GUCY1A2: variants seen among roughly 807,000 people sequenced by gnomAD.
GUCY1A2 encodes the protein guanylate cyclase 1 soluble subunit alpha 2.
Under a neutral mutation model 63.5 loss-of-function variants are expected in GUCY1A2, and 27 were observed. That is an observed-to-expected ratio of 0.43 (90% confidence interval 0.31 to 0.59). The LOEUF is 0.59. Among genes scored for constraint, GUCY1A2 ranks in the 20% least tolerant of loss-of-function variants. The pLI is 0.11. For synonymous variants in GUCY1A2, 364 were observed against 343.5 expected (o/e 1.06, Z -0.66); for missense variants, 768 against 913.3 (o/e 0.84, Z 2.05).
At chr11:106,726,153 G>T (rs144458884) in intron 6 of GUCY1A2, among the ~76,000 whole-genome samples, 2 of 152,134 alleles carry the variant, frequency 1.3e-5, no homozygotes, top group Non-Finnish European at 2.9e-5. Flanking sequence ...GGTGGTTCAC[G>T]CCTGTAATCC....
chr11:106,689,016 A>C (rs935516538), intron 7 of GUCY1A2, among the ~76,000 whole-genome samples: 30 of 149,376 alleles, frequency 2.0e-4, no homozygotes, highest in African/African-American at 7.3e-4. Flanking sequence ...TCTTTTTCTT[A>C]AAAACAATCC....
chr11:106,864,375 T>G (rs930492943), intron 4 of GUCY1A2, among the ~76,000 whole-genome samples: 3 of 152,090 alleles, frequency 2.0e-5, no homozygotes, highest in African/African-American at 7.2e-5. Context: ...CAGAGACAAT[T>G]TGACTTCCTC....
chr11:106,746,995 T>A (rs1270799295), intron 6 of GUCY1A2, among the ~76,000 whole-genome samples: 1 of 152,116 alleles, frequency 6.6e-6, no homozygotes, highest in Non-Finnish European at 1.5e-5. Flanking sequence ...TTTTTTTTGT[T>A]TGTTTGTTTT....
intron 3 of GUCY1A2, among the ~76,000 whole-genome samples, chr11:106,948,561 T>C (rs932173623): frequency 1.3e-5 from 2 of 152,154 alleles, no homozygotes; most frequent in African/African-American, 4.8e-5. Flanking sequence ...AAGCAGCTTA[T>C]TCTAAATAGC....
At chr11:106,770,241 C>T (rs1254677860) in intron 6 of GUCY1A2, among the ~76,000 whole-genome samples, 1 of 151,900 alleles carries the variant, frequency 6.6e-6, no homozygotes, top group Non-Finnish European at 1.5e-5. Context: ...CTTTAAATCC[C>T]CTGTAGATTA....
At chr11:106,892,038 A>C (rs1417250452) in intron 4 of GUCY1A2, among the ~76,000 whole-genome samples, 1 of 152,098 alleles carries the variant, frequency 6.6e-6, no homozygotes, top group Non-Finnish European at 1.5e-5. Flanking sequence ...ATTTCAATAT[A>C]TACTTAAGTC....
chr11:106,836,393 A>G (rs1414716403), intron 4 of GUCY1A2, among the ~76,000 whole-genome samples: 1 of 152,052 alleles, frequency 6.6e-6, no homozygotes, highest in Non-Finnish European at 1.5e-5. Context: ...GTACTGTACC[A>G]TATTTATCAA....
chr11:106,801,376 T>G (rs749556982), intron 5 of GUCY1A2, among the ~76,000 whole-genome samples: 7 of 152,160 alleles, frequency 4.6e-5, no homozygotes, highest in Admixed American at 1.3e-4. Context: ...TTGTCAAAGT[T>G]GTTGGAGAGA....
intron 6 of GUCY1A2, among the ~76,000 whole-genome samples, chr11:106,709,542 T>C (rs1468372887): frequency 3.6e-5 from 2 of 56,000 alleles, no homozygotes; most frequent in East Asian, 3.0e-4. Context: ...TATAATATAT[T>C]ATATTATTAT....
chr11:107,000,533 A>T (rs919967582), intron 1 of GUCY1A2, among the ~76,000 whole-genome samples: 1 of 152,226 alleles, frequency 6.6e-6, no homozygotes, highest in African/African-American at 2.4e-5. Flanking sequence ...AAAAGATACA[A>T]TAAGGGTAAT....
intron 6 of GUCY1A2, among the ~76,000 whole-genome samples, chr11:106,761,237 T>G (rs1038622342): frequency 6.6e-6 from 1 of 152,224 alleles, no homozygotes; most frequent in Non-Finnish European, 1.5e-5. Context: ...TTATCATGTA[T>G]GAAATGAGAG....
At chr11:106,775,132 G>A (rs72994937) in intron 6 of GUCY1A2, among the ~76,000 whole-genome samples, 1 of 151,772 alleles carries the variant, frequency 6.6e-6, no homozygotes, top group African/African-American at 2.4e-5. Flanking sequence ...TTCCAGGTGG[G>A]TTAAATGTAA....
chr11:106,939,936 G>A lies in GUCY1A2; in HGVS notation c.730C>T (p.His244Tyr), dbSNP rs781616635. The change falls in exon 4 of 8, where the codon CAT (histidine) becomes TAT (tyrosine). Residue 244 changes from histidine (H) to tyrosine (Y), a missense_variant. Physicochemically the swap from His to Tyr is moderately conservative, Grantham distance 83. Transcript: ENST00000526355. ...TLMLHYFHPH[H>Y]IVGFAMLGMI... ...CCCAGCATTGCAAACCCCACAATAT[G>A]GTGAGGGTGGAAGTAGTGGAGCATG... 2 of 1,613,552 alleles carry A rather than the reference G, an allele frequency of 1.2e-6. No homozygotes were observed. Among genetic ancestry groups the A allele is most frequent in the African/African-American group, 2.7e-5 (2 of 74,884 alleles).
At chr11:106,738,597 G>T (rs929739964) in intron 6 of GUCY1A2, among the ~76,000 whole-genome samples, 3 of 152,138 alleles carry the variant, frequency 2.0e-5, no homozygotes, top group Non-Finnish European at 2.9e-5. Context: ...TCCAGTTTCA[G>T]ATTTTTGCAT....
chr11:106,842,894 G>C (rs1243554606), intron 4 of GUCY1A2, among the ~76,000 whole-genome samples: 2 of 151,890 alleles, frequency 1.3e-5, no homozygotes, highest in Non-Finnish European at 2.9e-5. Context: ...CAAGGCCCTT[G>C]GGTGTCTGTG....
intron 3 of GUCY1A2, among the ~76,000 whole-genome samples, chr11:106,965,333 G>A (rs181044635): frequency 6.6e-6 from 1 of 151,948 alleles, no homozygotes; most frequent in Admixed American, 6.6e-5. Context: ...CTTTAGCAAG[G>A]TACAAAATAG....
chr11:106,732,082 A>T (rs1290359597), intron 6 of GUCY1A2, among the ~76,000 whole-genome samples: 1 of 152,194 alleles, frequency 6.6e-6, no homozygotes, highest in African/African-American at 2.4e-5. Context: ...AAGAGCCCAA[A>T]TAGCCAAGGA....
At chr11:106,771,054 T>C (rs1864246776) in intron 6 of GUCY1A2, among the ~76,000 whole-genome samples, 2 of 152,086 alleles carry the variant, frequency 1.3e-5, no homozygotes, top group South Asian at 4.1e-4. Context: ...TTAATGAAAA[T>C]AGTTTTTAAA....
chr11:107,017,895 GC>G lies in GUCY1A2; in HGVS notation c.160del (p.Ala54ProfsTer44). On this transcript the variant is annotated frameshift_variant, in exon 1 of 8. Transcript: ENST00000526355. LOFTEE classifies it high-confidence loss of function. ...GGTCGGGGCCGGGGCGGCGGCAGCGGCAGCTGCGGCCGGGCTGGGCTCCAGC... is the reference window on the plus strand; with the variant it reads ...GGTCGGGGCCGGGGCGGCGGCAGCGGAGCTGCGGCCGGGCTGGGCTCCAGC... Reference protein sequence around the residue: ...GPLEPSPAAAAAAAAPAPTPA... With the variant: ...GPLEPSPAAAXAAAAPAPTPA... 8.0e-7 allele frequency: 1 copy of G among 1,248,820 alleles called. No homozygotes were observed. Among genetic ancestry groups the G allele is most frequent in the East Asian group, 3.3e-5 (1 of 30,576 alleles). The allele number at this position is 1,248,820 out of a possible 1,614,324, so 77.4% of individuals were successfully genotyped here.
Sources: gnomAD v4.1 joint callset for allele counts (sites outside exome capture counted in the v4.1 genomes callset) on GRCh38, gnomAD v4.1.1 for gene constraint, MANE v1.5 for transcripts, NCBI Gene and HGNC (gene_info 2026-07-23, HGNC 2026-07-21) for gene names.